KIF21B: variants seen among roughly 807,000 people sequenced by gnomAD.
KIF21B encodes the protein kinesin family member 21B.
In KIF21B, 85 loss-of-function variants were observed where a neutral mutation model predicts 192.9. The ratio of observed to expected loss-of-function variants is 0.44; its 90% CI spans 0.37 to 0.53. The LOEUF (loss-of-function observed/expected upper bound fraction) is 0.53, where lower values mean the gene tolerates loss of function less well. KIF21B is among the 20% of genes least tolerant of loss of function. The pLI is 0.00. For synonymous variants in KIF21B, 832 were observed against 884.6 expected (o/e 0.94, Z 1.05); for missense variants, 1,716 against 2,194.8 (o/e 0.78, Z 4.36).
At chr1:201,016,996 T>C (rs973423011) in intron 1 of KIF21B, among the ~76,000 whole-genome samples, 1 of 152,136 alleles carries the variant, frequency 6.6e-6, no homozygotes, top group Non-Finnish European at 1.5e-5. Context: ...CCTTGGGGTG[T>C]CAGCTTGGGA....
chr1:200,992,368 G>C lies in KIF21B; in HGVS notation c.2299C>G (p.Arg767Gly). Residue 767 changes from arginine to glycine, a missense_variant, in exon 16 of 35, where the codon CGT becomes GGT. Transcript: ENST00000461742. ...AGCCGCCGCCGCTGTTGCTCCTCACGCATCTGCTTCATCAGGGCCACCTGG... is the reference window on the plus strand; with the variant it reads ...AGCCGCCGCCGCTGTTGCTCCTCACCCATCTGCTTCATCAGGGCCACCTGG... ...KAKVALMKQM[R>G]EEQQRRRLVE... is the part of the protein sequence containing the mutation. The C allele has an allele frequency of 1.9e-6, 3 of 1,613,046 alleles. No homozygotes were observed. Among genetic ancestry groups the C allele is most frequent in the Non-Finnish European group, 2.5e-6 (3 of 1,180,034 alleles).
At position 200,999,640 on chromosome 1, in the gene KIF21B, C is replaced by G. The variant is rs1657334365; in HGVS notation, c.1768-174G>C. ...TGGAAGAGTGCCGCCTCCCCCAACACCACCGCAGAACCCCTCTAGGAGGGC... is the reference window on the plus strand; with the variant it reads ...TGGAAGAGTGCCGCCTCCCCCAACAGCACCGCAGAACCCCTCTAGGAGGGC... On this transcript the variant is annotated intron_variant, in intron 12 of 34. Coordinates refer to ENST00000461742, the MANE Select transcript of KIF21B (RefSeq NM_001252102.2). This position sits in a 1 kb window ranked among gnomAD's most constrained non-coding sequence, Gnocchi z 4.7. 6.6e-6 allele frequency among the ~76,000 whole-genome samples: 1 copy of G among 151,802 alleles called. No homozygotes were observed. Among genetic ancestry groups the G allele is most frequent in the South Asian group, 2.1e-4 (1 of 4,802 alleles).
At chr1:201,008,730 C>G in intron 3 of KIF21B, 39 bp downstream of exon 3, 1 of 1,540,100 alleles carries the variant, frequency 6.5e-7, no homozygotes, top group Non-Finnish European at 8.7e-7. Context: ...CTGTTGTCCA[C>G]CAAGCCTCCC....
chr1:201,013,708 C>T (rs1393529494), intron 1 of KIF21B, among the ~76,000 whole-genome samples: 1 of 152,110 alleles, frequency 6.6e-6, no homozygotes, highest in East Asian at 1.9e-4. Context: ...GGACCAGAGC[C>T]AGGACTAGGG....
At chr1:201,021,534 A>G (rs59438753) in intron 1 of KIF21B, among the ~76,000 whole-genome samples, 16,868 of 152,228 alleles carry the variant, frequency 0.11, 3,022 homozygotes, top group African/African-American at 0.38. Flanking sequence ...GAGGGCAGGC[A>G]TGATCCCTTC....
At position 200,990,844 on chromosome 1, in the gene KIF21B, C is replaced by T; in HGVS notation, c.2687+73G>A. ...GAGCACTCCCCAGAGCTTCCCTCTT[C>T]CTCACCCTGGCCCTGCCCCATATTC... On this transcript the variant is annotated intron_variant, in intron 18 of 34. Coordinates refer to ENST00000461742, the MANE Select transcript of KIF21B (RefSeq NM_001252102.2). The surrounding 1 kb of genome is among the most constrained non-coding windows in gnomAD (Gnocchi z 5.4). The T allele has an allele frequency of 6.3e-7, 1 of 1,599,454 alleles. No homozygotes were observed. The highest frequency in any genetic ancestry group is 8.6e-7 in the Non-Finnish European group (1 of 1,168,856).
In KIF21B at chr1:200,971,484, C is replaced by T. The variant is rs535208336; in HGVS notation, c.*2037G>A. On this transcript the variant is annotated 3_prime_UTR_variant, in exon 35 of 35. Coordinates refer to ENST00000461742, the MANE Select transcript of KIF21B (RefSeq NM_001252102.2). ...GGGACAGAGTCTTACGTGTTTCTAT[C>T]GCTTGTAAACAGTCATGCGGACGGA... 5 of 152,516 alleles carry T rather than the reference C, an allele frequency of 3.3e-5. No individual in the cohort carries two copies. The highest frequency in any genetic ancestry group is 2.0e-4 in the Admixed American group (3 of 15,308). 9.4% of individuals were successfully genotyped at this position (152,516 alleles called of 1,614,324 possible).
chr1:201,004,294 C>T, intron 7 of KIF21B, 46 bp downstream of exon 7: 1 of 1,474,538 alleles, frequency 6.8e-7, no homozygotes, highest in Non-Finnish European at 9.3e-7. Flanking sequence ...TTCCAGGAAC[C>T]TCCCTGCCTC....
In KIF21B at chr1:200,982,903, C is replaced by G. The variant is rs978813768; in HGVS notation, c.3842+153G>C. Among the ~76,000 whole-genome samples, 3 of 152,108 alleles carry G rather than the reference C, an allele frequency of 2.0e-5. No homozygotes were observed. The highest frequency in any genetic ancestry group is 4.4e-5 in the Non-Finnish European group (3 of 68,022). On this transcript the variant is annotated intron_variant, in intron 28 of 34. Coordinates refer to ENST00000461742, the MANE Select transcript of KIF21B (RefSeq NM_001252102.2). The surrounding 1 kb of genome is among the most constrained non-coding windows in gnomAD (Gnocchi z 4.7). ...GAGAGAGGAACCATGGGGGCAGGAACAGGTCTGGAGAGGGGGGCAGCAGGA... is the reference window on the plus strand; with the variant it reads ...GAGAGAGGAACCATGGGGGCAGGAAGAGGTCTGGAGAGGGGGGCAGCAGGA...
Position 200,980,973 on chromosome 1 carries a change from G to C in KIF21B, c.3966C>G (p.Phe1322Leu). The part of the protein sequence containing the change: ...LCLDATDELL[F>L]TGSKDRSCKM... ...CGTTCCACATACCTTTGGACCCTGT[G>C]AATAGCAACTCATCTGTGGCATCCA... Residue 1322 changes from phenylalanine to leucine, a missense_variant, in exon 29 of 35, where the codon TTC (phenylalanine) becomes TTG (leucine). This residue lies in a region of KIF21B where 580 missense variants were observed against 775.5 expected (regional missense o/e 0.75). Transcript: ENST00000461742. 1 of 1,611,968 alleles carries C rather than the reference G, an allele frequency of 6.2e-7. No homozygotes were observed. The highest frequency in any genetic ancestry group is 1.1e-5 in the South Asian group (1 of 90,578).
chr1:201,008,803 C>T lies in KIF21B; in HGVS notation c.413G>A (p.Gly138Glu), dbSNP rs1461619167. The T allele has an allele frequency of 6.2e-7, 1 of 1,604,052 alleles. No homozygotes were observed. Among genetic ancestry groups the T allele is most frequent in the Admixed American group, 1.7e-5 (1 of 59,926 alleles). Residue 138 changes from glycine to glutamate, a missense_variant, in exon 3 of 35, where the codon GGA (glycine) becomes GAA (glutamate). Around this residue, in one of 3 missense-constraint regions of KIF21B, gnomAD observed 1,087 missense variants for 1,316.6 expected, o/e 0.83. Coordinates refer to ENST00000461742, the MANE Select transcript of KIF21B (RefSeq NM_001252102.2). ...CTGGGCGCTGACTTTGAACTCAGGT[C>T]CAGCCACGCCCTGCTCCTGTGCCCG... Reference protein sequence around the residue: ...KRRAQEQGVAGPEFKVSAQFL... With the variant: ...KRRAQEQGVAEPEFKVSAQFL...
chr1:200,978,777 C>G (rs553198989), intron 30 of KIF21B, among the ~76,000 whole-genome samples: 2 of 152,306 alleles, frequency 1.3e-5, no homozygotes, highest in South Asian at 4.1e-4. Context: ...GTCTCGACCT[C>G]CTGGGCTCAA....
intron 24 of KIF21B, among the ~76,000 whole-genome samples, chr1:200,987,575 C>T (rs915378137): frequency 6.6e-6 from 1 of 152,196 alleles, no homozygotes; most frequent in Non-Finnish European, 1.5e-5. Context: ...GAAATGATGC[C>T]GTCTTGGCCT....
At chr1:200,985,886 C>T (rs912544370) in intron 26 of KIF21B, among the ~76,000 whole-genome samples, 2 of 148,384 alleles carry the variant, frequency 1.3e-5, no homozygotes, top group Non-Finnish European at 3.0e-5. Context: ...CACACTGTCA[C>T]CCAGGCTGGA....
At chr1:201,003,953 G>C (rs2102447836) in intron 7 of KIF21B, among the ~76,000 whole-genome samples, 172 bp from the exon 8 acceptor site, 1 of 152,326 alleles carries the variant, frequency 6.6e-6, no homozygotes, top group Non-Finnish European at 1.5e-5. Flanking sequence ...ATCTGGCCAG[G>C]AGTTTTCACT....
chr1:201,009,535 G>T, intron 1 of KIF21B, 47 bp from the exon 2 acceptor site: 1 of 1,524,300 alleles, frequency 6.6e-7, no homozygotes, highest in Non-Finnish European at 9.0e-7. Context: ...CTAGAAGGGG[G>T]CTGCCACAGG....
At position 200,975,356 on chromosome 1, in the gene KIF21B, G is replaced by T; in HGVS notation, c.4614+143C>A. The T allele has an allele frequency of 1.4e-6, 1 of 703,016 alleles. No individual in the cohort carries two copies. 43.5% of individuals were successfully genotyped at this position (703,016 alleles called of 1,614,324 possible). On this transcript the variant is annotated intron_variant, in intron 33 of 34. Coordinates refer to ENST00000461742, the MANE Select transcript of KIF21B (RefSeq NM_001252102.2). The surrounding 1 kb of genome is among the most constrained non-coding windows in gnomAD (Gnocchi z 4.3). ...GGAGGATGGAGACAGAGGAGGAAGAGGGAGAACAGGAGGGCTTGGGGAGCT... is the reference window on the plus strand; with the variant it reads ...GGAGGATGGAGACAGAGGAGGAAGATGGAGAACAGGAGGGCTTGGGGAGCT...
chr1:201,007,705 C>T (rs538969658), intron 3 of KIF21B, among the ~76,000 whole-genome samples: 70 of 150,412 alleles, frequency 4.7e-4, no homozygotes, highest in Non-Finnish European at 8.9e-4. Flanking sequence ...CAGACAGATG[C>T]GCACACAGAC....
Position 200,998,268 on chromosome 1 carries a change from A to G in KIF21B, c.2077+116T>C. 1.1e-6 allele frequency: 1 copy of G among 948,210 alleles called. No homozygotes were observed. Among genetic ancestry groups the G allele is most frequent in the African/African-American group, 1.6e-5 (1 of 60,802 alleles). The allele number at this position is 948,210 out of a possible 1,614,324, so 58.7% of individuals were successfully genotyped here. ...AAAGGACCACAGTCAAAGGTTGGGA[A>G]GTCCCTTGCCTAGAAGGCCAGGATA... On this transcript the variant is annotated intron_variant, in intron 14 of 34. Transcript: ENST00000461742. The surrounding 1 kb of genome is among the most constrained non-coding windows in gnomAD (Gnocchi z 4.3).
Sources: allele counts gnomAD v4.1 joint callset (sites outside exome capture counted in the v4.1 genomes callset), GRCh38; gene constraint gnomAD v4.1.1; regional missense constraint gnomAD v4.1.1; non-coding constraint Gnocchi (gnomAD v3.1); transcripts MANE v1.5; gene names NCBI Gene and HGNC (gene_info 2026-07-23, HGNC 2026-07-21).